Variants in C3orf20 observed in about 807,000 individuals in gnomAD.
C3orf20 encodes uncharacterized protein C3orf20.
A neutral mutation model predicts 88.3 loss-of-function variants in C3orf20; 76 were observed. That is an observed-to-expected ratio of 0.86 (90% confidence interval 0.72 to 1.04). C3orf20 has a LOEUF of 1.04. C3orf20 is among the 50% of genes least tolerant of loss of function. The pLI is 0.00. For missense variants in C3orf20, 1,056 were observed against 1,123.3 expected, an observed-to-expected ratio of 0.94 and a Z score of 0.86; for synonymous variants, 436 against 437.4, an observed-to-expected ratio of 1.00 and a Z score of 0.04.
Position 14,689,987 on chromosome 3 carries a change from C to T in C3orf20, c.626-10C>T, listed in dbSNP as rs921697853. ...AGTTGAAAGAAGAATCTCTCTCTCT[C>T]CCACTCCAGAGTCCCTCGCAAACAT... On this transcript the variant is annotated splice_polypyrimidine_tract_variant and intron_variant, in intron 4 of 16. Coordinates refer to ENST00000253697, the MANE Select transcript of C3orf20 (RefSeq NM_032137.5). The T allele has an allele frequency of 1.1e-5, 18 of 1,614,022 alleles. No homozygotes were observed. Among genetic ancestry groups the T allele is most frequent in the Non-Finnish European group, 1.5e-5 (18 of 1,180,010 alleles).
In C3orf20 at chr3:14,703,232, G is replaced by A. The variant is rs762741326; in HGVS notation, c.848G>A (p.Arg283Gln). The change falls in exon 6 of 17, where the codon CGG becomes CAG. Residue 283 changes from arginine (R) to glutamine (Q), a missense_variant. By Grantham distance (43) the Arg-to-Gln change is conservative. Coordinates refer to ENST00000253697, the MANE Select transcript of C3orf20 (RefSeq NM_032137.5). The part of the protein sequence containing the change: ...LEFSDPCPEA[R>Q]EKLQELCRHI... The stretch of plus-strand genomic sequence containing the variant: ...TTCAGCGACCCCTGCCCTGAGGCCC[G>A]GGAGAAGCTGCAGGAGTTGTGTCGC... 16 of 1,614,098 alleles carry A rather than the reference G, an allele frequency of 9.9e-6. No individual in the cohort carries two copies. The highest frequency in any genetic ancestry group is 4.4e-5 in the South Asian group (4 of 91,086).
intron 12 of C3orf20, among the ~76,000 whole-genome samples, chr3:14,753,786 C>T (rs954420494): frequency 6.6e-6 from 1 of 152,186 alleles, no homozygotes; most frequent in Non-Finnish European, 1.5e-5. Flanking sequence ...TTTATAAAGA[C>T]TGTACCATTT....
intron 10 of C3orf20, among the ~76,000 whole-genome samples, chr3:14,725,545 A>C (rs923916602): frequency 1.3e-5 from 2 of 152,220 alleles, no homozygotes; most frequent in African/African-American, 4.8e-5. Context: ...CCTTTTTGGA[A>C]GCAGGCTGAG....
Position 14,757,421 on chromosome 3 carries a change from C to CA in C3orf20, c.1992dup (p.Asp665ArgfsTer30). The CA allele has an allele frequency of 1.9e-6, 3 of 1,612,142 alleles. No homozygotes were observed. Among genetic ancestry groups the CA allele is most frequent in the Non-Finnish European group, 2.5e-6 (3 of 1,179,896 alleles). On this transcript the variant is annotated frameshift_variant, in exon 13 of 17. Coordinates refer to ENST00000253697, the MANE Select transcript of C3orf20 (RefSeq NM_032137.5). LOFTEE classifies it high-confidence loss of function. ...CCCACCAGGTGGGCGGCCTTGCCCT[C>CA]AGACTGCCCGCTGGTGCTGCGGAAG...
In C3orf20 at chr3:14,772,553, T is replaced by C. The variant is rs377680644; in HGVS notation, c.2631-238T>C. ...CTTGCTGGTGCTGGTAACCATGAAA[T>C]GAATCACACATTCGGCATGGCGTGG... is the stretch of plus-strand genomic sequence containing the variant. On this transcript the variant is annotated intron_variant, in intron 16 of 16. Coordinates refer to ENST00000253697, the MANE Select transcript of C3orf20 (RefSeq NM_032137.5). This position sits in a 1 kb window ranked among gnomAD's most constrained non-coding sequence, Gnocchi z 4.2. 2.3e-4 allele frequency among the ~76,000 whole-genome samples: 35 copies of C among 152,334 alleles called. No homozygotes were observed. The highest frequency in any genetic ancestry group is 2.3e-3 in the South Asian group (11 of 4,830).
intron 15 of C3orf20, chr3:14,767,370 A>G (rs1293639727): frequency 6.6e-6 from 1 of 152,296 alleles, no homozygotes; most frequent in Non-Finnish European, 1.5e-5. Context: ...TGCCCATATT[A>G]GAGAAGGGAA....
At chr3:14,684,454 A>G in intron 4 of C3orf20, 72 bp downstream of exon 4, 1 of 1,555,608 alleles carries the variant, frequency 6.4e-7, no homozygotes, top group South Asian at 1.2e-5. Flanking sequence ...GGAAAGGCAA[A>G]ACCCCCAGTT....
intron 7 of C3orf20, among the ~76,000 whole-genome samples, chr3:14,712,178 GCGCGCACACACA>G (rs1477104866): frequency 7.8e-4 from 85 of 108,980 alleles, no homozygotes; most frequent in African/African-American, 1.7e-3. Flanking sequence ...ACACACGCGC[GCGCGCACACACA>G]CACACACACA....
chr3:14,723,741 A>G (rs2034245925), intron 10 of C3orf20, among the ~76,000 whole-genome samples: 1 of 152,132 alleles, frequency 6.6e-6, no homozygotes, highest in East Asian at 1.9e-4. Flanking sequence ...CTACCCTGTC[A>G]ATCTGGTTCC....
intron 1 of C3orf20, among the ~76,000 whole-genome samples, chr3:14,677,992 A>G (rs377173527): frequency 4.3e-5 from 1 of 23,152 alleles, no homozygotes; most frequent in African/African-American, 8.0e-5. Flanking sequence ...GTTTCCCATC[A>G]GCTACAAGAT....
At chr3:14,748,548 T>C (rs2035125509) in intron 12 of C3orf20, among the ~76,000 whole-genome samples, 1 of 152,144 alleles carries the variant, frequency 6.6e-6, no homozygotes, top group Non-Finnish European at 1.5e-5. Context: ...GGTTAGATTA[T>C]TGGTTTGAGA....
At chr3:14,687,017 T>C (rs551498177) in intron 4 of C3orf20, among the ~76,000 whole-genome samples, 22 of 152,330 alleles carry the variant, frequency 1.4e-4, no homozygotes, top group African/African-American at 5.1e-4. Flanking sequence ...AGCTGCAGAA[T>C]GCCCCTCCAA....
intron 7 of C3orf20, among the ~76,000 whole-genome samples, chr3:14,707,408 T>C (rs901342651): frequency 5.3e-5 from 8 of 151,986 alleles, no homozygotes; most frequent in African/African-American, 1.7e-4. Flanking sequence ...TTTTAACTTA[T>C]GTTTACCTAA....
At position 14,721,803 on chromosome 3, in the gene C3orf20, T is replaced by A. The variant is rs985105509; in HGVS notation, c.1566+19T>A. On this transcript the variant is annotated intron_variant, in intron 10 of 16. Coordinates refer to ENST00000253697, the MANE Select transcript of C3orf20 (RefSeq NM_032137.5). ...CAAACGGGTAAGGCAAGGCAGACTA[T>A]GCACCCAGCCCTGACCCCTGGGCAT... 6.2e-7 allele frequency: 1 copy of A among 1,613,928 alleles called. No homozygotes were observed. Among genetic ancestry groups the A allele is most frequent in the East Asian group, 2.2e-5 (1 of 44,872 alleles).
intron 11 of C3orf20, 121 bp from the exon 12 acceptor site, chr3:14,728,318 G>A (rs1423891849): frequency 1.8e-5 from 21 of 1,177,544 alleles, no homozygotes; most frequent in Non-Finnish European, 2.6e-5. Context: ...GAGAATCAAT[G>A]AGAGCGGAGG....
intron 5 of C3orf20, 94 bp from the exon 6 acceptor site, chr3:14,703,036 T>C: frequency 6.9e-7 from 1 of 1,443,364 alleles, no homozygotes; most frequent in African/African-American, 1.4e-5. Context: ...ATGATCTCCT[T>C]TGACTCCAGG....
At chr3:14,705,792 G>A (rs977261371) in intron 7 of C3orf20, among the ~76,000 whole-genome samples, 1 of 152,144 alleles carries the variant, frequency 6.6e-6, no homozygotes, top group Admixed American at 6.5e-5. Flanking sequence ...ACAGTCATTT[G>A]TTTCTGCCCC....
At chr3:14,715,938 C>G (rs2124963364) in intron 9 of C3orf20, among the ~76,000 whole-genome samples, 1 of 151,940 alleles carries the variant, frequency 6.6e-6, no homozygotes, top group South Asian at 2.1e-4. Context: ...TATTAAATAA[C>G]AAATAATAAA....
intron 4 of C3orf20, among the ~76,000 whole-genome samples, chr3:14,685,166 A>G (rs2032328146): frequency 6.6e-6 from 1 of 152,264 alleles, no homozygotes; most frequent in Non-Finnish European, 1.5e-5. Flanking sequence ...GTGAGGCACT[A>G]AAGCATAGAT....
Sources: allele counts gnomAD v4.1 joint callset (sites outside exome capture counted in the v4.1 genomes callset), GRCh38; gene constraint gnomAD v4.1.1; non-coding constraint Gnocchi (gnomAD v3.1); transcripts MANE v1.5; gene names NCBI Gene and HGNC (gene_info 2026-07-23, HGNC 2026-07-21).